Variants in FTCDNL1 observed in about 807,000 individuals in gnomAD.
The protein encoded by FTCDNL1 is formiminotransferase cyclodeaminase N-terminal like.
FTCDNL1 carries 11 observed loss-of-function variants against 5.9 expected under a neutral mutation model. The observed-to-expected ratio is 1.87, with a 90% CI of 1.18 to 3.10. The LOEUF is 3.10. FTCDNL1 is among the 30% of genes most tolerant of loss of function. The pLI is 0.00. For missense variants in FTCDNL1, 115 were observed against 65.5 expected (o/e 1.76, Z -2.61); for synonymous variants, 58 against 24.8 (o/e 2.34, Z -3.99).
chr2:199,716,545 A>G, the FTCDNL1 span, among the ~76,000 whole-genome samples: 1 of 152,150 alleles, frequency 6.6e-6, no homozygotes, highest in Admixed American at 6.6e-5. Flanking sequence ...ATGCCTTTTT[A>G]ACTCCCTGTG....
chr2:199,737,722 CT>C, the FTCDNL1 span, among the ~76,000 whole-genome samples: 1 of 152,190 alleles, frequency 6.6e-6, no homozygotes, highest in African/African-American at 2.4e-5. Flanking sequence ...AGGCCCCACA[CT>C]TGGTTTAATG....
At chr2:199,667,106 G>A in the FTCDNL1 span, among the ~76,000 whole-genome samples, 1 of 152,022 alleles carries the variant, frequency 6.6e-6, no homozygotes, top group Non-Finnish European at 1.5e-5. Flanking sequence ...CTATTCCTAG[G>A]AGGCTTTTTT....
intron 3 of FTCDNL1, among the ~76,000 whole-genome samples, chr2:199,826,488 CAAAAAAAAA>C (rs35457727): frequency 8.3e-6 from 1 of 121,190 alleles, no homozygotes; most frequent in Non-Finnish European, 1.7e-5. Context: ...ATTTCTCAGT[CAAAAAAAAA>C]AAAAAAAAAA....
At chr2:199,737,235 A>C in the FTCDNL1 span, among the ~76,000 whole-genome samples, 1 of 152,220 alleles carries the variant, frequency 6.6e-6, no homozygotes. Context: ...TTTGGGCATA[A>C]TACTACCCAT....
chr2:199,768,519 A>C (rs1486020872), intron 3 of FTCDNL1, among the ~76,000 whole-genome samples: 1 of 152,228 alleles, frequency 6.6e-6, no homozygotes, highest in South Asian at 2.1e-4. Context: ...GAGCAAAATC[A>C]TGAAGAAGGT....
At chr2:199,799,897 A>C (rs1283697862) in intron 3 of FTCDNL1, among the ~76,000 whole-genome samples, 1 of 152,200 alleles carries the variant, frequency 6.6e-6, no homozygotes, top group African/African-American at 2.4e-5. Flanking sequence ...AAGCTGCTCT[A>C]AGGTGCCTCT....
chr2:199,834,846 T>G (rs1702614056), intron 3 of FTCDNL1, among the ~76,000 whole-genome samples: 1 of 152,178 alleles, frequency 6.6e-6, no homozygotes, highest in African/African-American at 2.4e-5. Flanking sequence ...TATATAAACT[T>G]TGTGCAATGC....
At chr2:199,850,539 C>T (rs2076848446) in intron 1 of FTCDNL1, among the ~76,000 whole-genome samples, 1 of 152,210 alleles carries the variant, frequency 6.6e-6, no homozygotes, top group Admixed American at 6.5e-5. Flanking sequence ...AGCGGCAGTA[C>T]CAGGCTCAGA....
chr2:199,700,741 T>A, the FTCDNL1 span, among the ~76,000 whole-genome samples: 3 of 152,160 alleles, frequency 2.0e-5, no homozygotes, highest in Non-Finnish European at 4.4e-5. Flanking sequence ...GCCGCACACC[T>A]GCAACTATCT....
the FTCDNL1 span, among the ~76,000 whole-genome samples, chr2:199,711,472 A>C: frequency 1.3e-5 from 2 of 151,896 alleles, no homozygotes; most frequent in Non-Finnish European, 2.9e-5. Flanking sequence ...TGAGAAGTAA[A>C]ATTTTTTCAA....
intron 3 of FTCDNL1, among the ~76,000 whole-genome samples, chr2:199,803,838 T>C (rs2106413838): frequency 6.6e-6 from 1 of 152,280 alleles, no homozygotes; most frequent in South Asian, 2.1e-4. Context: ...AGGTTCCTGG[T>C]TGACCCAATA....
intron 3 of FTCDNL1, among the ~76,000 whole-genome samples, chr2:199,794,160 T>A (rs1700066228): frequency 6.6e-6 from 1 of 152,244 alleles, no homozygotes; most frequent in South Asian, 2.1e-4. Flanking sequence ...ATTAATCCTA[T>A]CTATTTGAGT....
At chr2:199,813,709 G>A (rs970110070) in intron 4 of FTCDNL1, among the ~76,000 whole-genome samples, 15 of 151,906 alleles carry the variant, frequency 9.9e-5, no homozygotes, top group Admixed American at 6.6e-5. Flanking sequence ...TAAGGAGTTC[G>A]AGACCAGCCT....
chr2:199,760,039 A>C (rs1423910343), downstream of FTCDNL1, among the ~76,000 whole-genome samples: 1 of 152,206 alleles, frequency 6.6e-6, no homozygotes, highest in East Asian at 1.9e-4. Context: ...ATCACTCTGT[A>C]TATCTTCAAT....
At chr2:199,784,830 T>C (rs573957325) in intron 3 of FTCDNL1, among the ~76,000 whole-genome samples, 4 of 151,900 alleles carry the variant, frequency 2.6e-5, no homozygotes, top group East Asian at 3.9e-4. Flanking sequence ...CTTCCAGGAG[T>C]TGGGGAAACA....
chr2:199,838,752 T>C (rs1180405672), intron 3 of FTCDNL1, among the ~76,000 whole-genome samples: 1 of 152,110 alleles, frequency 6.6e-6, no homozygotes, highest in East Asian at 1.9e-4. Context: ...TGCCACACCC[T>C]GGTAGAATAT....
At chr2:199,782,568 G>C (rs1016802003) in intron 3 of FTCDNL1, among the ~76,000 whole-genome samples, 1 of 152,190 alleles carries the variant, frequency 6.6e-6, no homozygotes, top group African/African-American at 2.4e-5. Context: ...CTAACTGGCA[G>C]TTATGTCCGC....
At chr2:199,776,600 A>G (rs145700977) in intron 3 of FTCDNL1, among the ~76,000 whole-genome samples, 1 of 152,294 alleles carries the variant, frequency 6.6e-6, no homozygotes, top group African/African-American at 2.4e-5. Flanking sequence ...AACTGCACAC[A>G]ACCCCTAAGT....
Position 199,846,059 on chromosome 2 carries a change from G to A in FTCDNL1, c.211+16C>T. 2 of 680,714 alleles carry A rather than the reference G, an allele frequency of 2.9e-6. No individual in the cohort carries two copies. The highest frequency in any genetic ancestry group is 1.6e-5 in the South Asian group (1 of 63,144). 42.2% of individuals were successfully genotyped at this position (680,714 alleles called of 1,614,324 possible). A position where few individuals can be genotyped will look rare whatever the true frequency, so the allele number is the denominator to read the frequency against. ...AAAAAAAGACATATATGTAAAGAAA[G>A]AAACTGAAATCTTACCCAACTTATC... On this transcript the variant is annotated intron_variant, in intron 3 of 4. Coordinates refer to ENST00000420128, the MANE Select transcript of FTCDNL1 (RefSeq NM_001363886.2).
Sources: allele counts gnomAD v4.1 joint callset (sites outside exome capture counted in the v4.1 genomes callset), GRCh38; gene constraint gnomAD v4.1.1; transcripts MANE v1.5; gene names NCBI Gene and HGNC (gene_info 2026-07-23, HGNC 2026-07-21).